Variants in KCND2 observed in about 807,000 individuals in gnomAD.
The protein encoded by KCND2 is A-type voltage-gated potassium channel KCND2.
KCND2 carries 16 observed loss-of-function variants against 54.4 expected under a neutral mutation model. The observed-to-expected ratio is 0.29, with a 90% CI of 0.20 to 0.45. The LOEUF (loss-of-function observed/expected upper bound fraction) is 0.45. Among genes scored for constraint, KCND2 ranks in the 20% least tolerant of loss-of-function variants. The pLI is 1.00. For missense variants in KCND2, 486 were observed against 824.2 expected (o/e 0.59, Z 5.02); for synonymous variants, 317 against 310.7 (o/e 1.02, Z -0.21).
intron 1 of KCND2, among the ~76,000 whole-genome samples, chr7:120,701,343 C>T (rs1268191220): frequency 6.7e-6 from 1 of 149,662 alleles, no homozygotes; most frequent in Admixed American, 6.7e-5. Context: ...ATAGCAATTT[C>T]CACCATATTT....
intron 1 of KCND2, among the ~76,000 whole-genome samples, chr7:120,688,412 T>C (rs912948464): frequency 6.6e-6 from 1 of 152,276 alleles, no homozygotes; most frequent in Non-Finnish European, 1.5e-5. Context: ...TTTTCCCATA[T>C]CAGCCATTTA....
At chr7:120,433,141 A>G (rs886672164) in intron 1 of KCND2, among the ~76,000 whole-genome samples, 1 of 152,118 alleles carries the variant, frequency 6.6e-6, no homozygotes, top group African/African-American at 2.4e-5. Context: ...CGCTTTTTCA[A>G]ATTGTACATG....
rs540822069 is a variant in KCND2 at position 120,556,165 on chromosome 7, A to C, written c.1116-176738A>C. Among the ~76,000 whole-genome samples, 3 of 152,298 alleles carry C rather than the reference A, an allele frequency of 2.0e-5. 1 individual carries two copies. The highest frequency in any genetic ancestry group is 7.2e-5 in the African/African-American group (3 of 41,560). On this transcript the variant is annotated intron_variant, in intron 1 of 5. Coordinates refer to ENST00000331113, the MANE Select transcript of KCND2 (RefSeq NM_012281.3). ...GATATTAGGTGAAAAATAATGCCAA[A>C]AAATCCCTCCAACACTATTTATTGC...
At chr7:120,285,220 T>C (rs1367949828) in intron 1 of KCND2, among the ~76,000 whole-genome samples, 1 of 152,122 alleles carries the variant, frequency 6.6e-6, no homozygotes, top group Non-Finnish European at 1.5e-5. Flanking sequence ...ATGCAGAATA[T>C]TTTATTGTCT....
At chr7:120,492,817 A>G (rs922504499) in intron 1 of KCND2, among the ~76,000 whole-genome samples, 3 of 152,134 alleles carry the variant, frequency 2.0e-5, no homozygotes, top group Admixed American at 1.3e-4. Context: ...ACAGTTGGGC[A>G]AAGTTATCTA....
intron 1 of KCND2, among the ~76,000 whole-genome samples, chr7:120,656,769 T>C (rs1469166133): frequency 6.6e-6 from 1 of 152,202 alleles, no homozygotes; most frequent in East Asian, 1.9e-4. Context: ...CCTTTATTCT[T>C]TCACCTTGTG....
chr7:120,579,657 A>C (rs981843144), intron 1 of KCND2, among the ~76,000 whole-genome samples: 5 of 150,596 alleles, frequency 3.3e-5, no homozygotes, highest in African/African-American at 1.2e-4. Context: ...AAATAAAATA[A>C]ATAAAAATTA....
chr7:120,638,495 C>G (rs1357592267), intron 1 of KCND2, among the ~76,000 whole-genome samples: 2 of 152,112 alleles, frequency 1.3e-5, no homozygotes, highest in Admixed American at 6.6e-5. Flanking sequence ...GATGCTCTAC[C>G]TAATAACCAG....
chr7:120,624,726 A>G (rs1462693698), intron 1 of KCND2, among the ~76,000 whole-genome samples: 1 of 151,614 alleles, frequency 6.6e-6, no homozygotes, highest in Non-Finnish European at 1.5e-5. Flanking sequence ...GGTTGCAGTG[A>G]GCTGTGATGG....
At chr7:120,529,136 C>T (rs921634580) in intron 1 of KCND2, among the ~76,000 whole-genome samples, 1 of 152,150 alleles carries the variant, frequency 6.6e-6, no homozygotes, top group African/African-American at 2.4e-5. Flanking sequence ...GCATCTTGTC[C>T]TATTTGGAAA....
At chr7:120,281,003 T>A (rs1799252268) in intron 1 of KCND2, among the ~76,000 whole-genome samples, 1 of 152,152 alleles carries the variant, frequency 6.6e-6, no homozygotes, top group Non-Finnish European at 1.5e-5. Context: ...GCCCATCTGA[T>A]ATAATACAAC....
At chr7:120,505,226 A>C (rs1246155029) in intron 1 of KCND2, among the ~76,000 whole-genome samples, 1 of 151,752 alleles carries the variant, frequency 6.6e-6, no homozygotes, top group African/African-American at 2.4e-5. Context: ...AGGTGGCCAA[A>C]GATAACAACA....
At chr7:120,358,733 A>C (rs2116396791) in intron 1 of KCND2, among the ~76,000 whole-genome samples, 1 of 152,296 alleles carries the variant, frequency 6.6e-6, no homozygotes, top group Non-Finnish European at 1.5e-5. Flanking sequence ...CTACTGCAGA[A>C]GTCAGCCTTG....
chr7:120,411,305 T>C (rs1322901322), intron 1 of KCND2, among the ~76,000 whole-genome samples: 1 of 151,972 alleles, frequency 6.6e-6, no homozygotes, highest in Non-Finnish European at 1.5e-5. Context: ...ATGTCATTTT[T>C]TTTTTCATTT....
In KCND2 at chr7:120,471,730, G is replaced by T. The variant is rs538796224; in HGVS notation, c.1115+195983G>T. Reference sequence around the variant, plus strand: ...TATTTCTTTGAAAAATAATCCTGTTGGACAGGATTCTGAATTCTACCCTTA... The same window carrying T: ...TATTTCTTTGAAAAATAATCCTGTTTGACAGGATTCTGAATTCTACCCTTA... On this transcript the variant is annotated intron_variant, in intron 1 of 5. Transcript: ENST00000331113. 7.9e-5 allele frequency among the ~76,000 whole-genome samples: 12 copies of T among 152,094 alleles called. No individual in the cohort carries two copies. The South Asian group carries it at 2.5e-3, about 32-fold the overall frequency.
chr7:120,313,328 A>G (rs79479582), intron 1 of KCND2, among the ~76,000 whole-genome samples: 217 of 152,310 alleles, frequency 1.4e-3, no homozygotes, highest in African/African-American at 5.1e-3. Context: ...AAATATTTCT[A>G]TTGTATATGT....
At chr7:120,279,908 G>C (rs1329919160) in intron 1 of KCND2, among the ~76,000 whole-genome samples, 1 of 151,792 alleles carries the variant, frequency 6.6e-6, no homozygotes, top group Non-Finnish European at 1.5e-5. Flanking sequence ...TCAGTATTCT[G>C]ATTATATAGC....
chr7:120,391,200 G>C (rs1449833980), intron 1 of KCND2, among the ~76,000 whole-genome samples: 1 of 152,030 alleles, frequency 6.6e-6, no homozygotes, highest in Non-Finnish European at 1.5e-5. Context: ...AGTTTCCTGA[G>C]GATGATGATT....
At chr7:120,331,611 G>C (rs1800070172) in intron 1 of KCND2, among the ~76,000 whole-genome samples, 1 of 151,910 alleles carries the variant, frequency 6.6e-6, no homozygotes, top group Non-Finnish European at 1.5e-5. Context: ...ACGATGAGAT[G>C]ATTGATTTTG....
Sources: allele counts gnomAD v4.1 joint callset (sites outside exome capture counted in the v4.1 genomes callset), GRCh38; gene constraint gnomAD v4.1.1; transcripts MANE v1.5; gene names NCBI Gene and HGNC (gene_info 2026-07-23, HGNC 2026-07-21).